Variants in SLC1A2 observed in about 807,000 individuals in gnomAD.
The protein encoded by SLC1A2 is solute carrier family 1 member 2.
Under a neutral mutation model 48.8 loss-of-function variants are expected in SLC1A2, and 15 were observed. That is an observed-to-expected ratio of 0.31 (90% CI 0.21 to 0.47). SLC1A2 has a LOEUF of 0.47. Ranked by LOEUF, SLC1A2 falls within the 20% of genes least tolerant of loss-of-function variation. The pLI is 0.99. For missense variants in SLC1A2, 502 were observed against 730.5 expected, an observed-to-expected ratio of 0.69 and a Z score of 3.61; for synonymous variants, 279 against 272.6, an observed-to-expected ratio of 1.02 and a Z score of -0.23.
intron 1 of SLC1A2, among the ~76,000 whole-genome samples, chr11:35,408,876 C>T (rs774123650): frequency 6.6e-6 from 1 of 152,058 alleles, no homozygotes; most frequent in Non-Finnish European, 1.5e-5. Flanking sequence ...ATCGATCTGC[C>T]ATGGTAAATA....
rs1453510369 is a variant in SLC1A2, at chr11:35,265,764, G to C, written c.1422-6C>G. ...CTGAAGTTCTCATCCTGTCCCTGGG[G>C]ACAAAGAACAGAAAAGGTTCAGTGA... On this transcript the variant is annotated splice_region_variant and splice_polypyrimidine_tract_variant and intron_variant, in intron 9 of 10. Transcript: ENST00000278379. The C allele has an allele frequency of 1.3e-5, 21 of 1,586,042 alleles. No individual in the cohort carries two copies. The Middle Eastern group carries it at 5.0e-4, about 38-fold the overall frequency.
At chr11:35,301,254 T>G (rs1359858419) in intron 6 of SLC1A2, among the ~76,000 whole-genome samples, 1 of 152,142 alleles carries the variant, frequency 6.6e-6, no homozygotes, top group Admixed American at 6.5e-5. Context: ...CTAAGACAGT[T>G]ACATAAAAAT....
chr11:35,400,918 TG>T (rs1291369993), intron 1 of SLC1A2, among the ~76,000 whole-genome samples: 1 of 151,476 alleles, frequency 6.6e-6, no homozygotes, highest in Non-Finnish European at 1.5e-5. Context: ...TTATACATTT[TG>T]GGGAGACATA....
chr11:35,360,283 T>A (rs1853630099), intron 1 of SLC1A2: 1 of 154,728 alleles, frequency 6.5e-6, no homozygotes, highest in Admixed American at 6.5e-5. Flanking sequence ...AAAGTCATCA[T>A]CAGTGTCATC....
rs751229160 is a variant in SLC1A2, at chr11:35,254,337, T to C, written c.*6557A>G. 6.3e-6 allele frequency: 1 copy of C among 158,166 alleles called. No individual in the cohort carries two copies. The highest frequency in any genetic ancestry group is 2.4e-5 in the African/African-American group (1 of 41,496). 9.8% of individuals were successfully genotyped at this position (158,166 alleles called of 1,614,324 possible). On this transcript the variant is annotated 3_prime_UTR_variant, in exon 11 of 11. Coordinates refer to ENST00000278379, the MANE Select transcript of SLC1A2 (RefSeq NM_004171.4). ...GAAAGAGAAAGGGAGGGAGTTAAGG[T>C]GATTTGTAGAAAAATCTAGATGCCA...
At chr11:35,317,348 G>A in intron 2 of SLC1A2, 29 bp downstream of exon 2, 3 of 1,604,598 alleles carry the variant, frequency 1.9e-6, no homozygotes, top group Non-Finnish European at 1.7e-6. Flanking sequence ...AGAAGAGGGG[G>A]CTGGGGGTGG....
At chr11:35,328,638 CT>C (rs1160808375) in intron 1 of SLC1A2, among the ~76,000 whole-genome samples, 1 of 152,164 alleles carries the variant, frequency 6.6e-6, no homozygotes, top group African/African-American at 2.4e-5. Flanking sequence ...AAAACTTGCT[CT>C]TTATATTAGG....
At chr11:35,389,112 A>C (rs565348293) in intron 1 of SLC1A2, among the ~76,000 whole-genome samples, 1 of 151,712 alleles carries the variant, frequency 6.6e-6, no homozygotes, top group South Asian at 2.1e-4. Flanking sequence ...TTAAAAACCT[A>C]AATATGTAGA....
At chr11:35,357,785 G>C (rs1313716412) in intron 1 of SLC1A2, among the ~76,000 whole-genome samples, 1 of 152,098 alleles carries the variant, frequency 6.6e-6, no homozygotes, top group South Asian at 2.1e-4. Context: ...AACAACCAAG[G>C]CTAGAAAAGA....
chr11:35,394,751 C>T (rs762751945), intron 1 of SLC1A2, among the ~76,000 whole-genome samples: 7 of 152,198 alleles, frequency 4.6e-5, no homozygotes, highest in Admixed American at 6.5e-5. Context: ...AGGCACAGTA[C>T]TGGGTGCTGA....
chr11:35,347,318 G>T (rs531059415), intron 1 of SLC1A2, among the ~76,000 whole-genome samples: 1 of 152,326 alleles, frequency 6.6e-6, no homozygotes, highest in East Asian at 1.9e-4. Context: ...CTCCTAGTCT[G>T]CTCTGGACAG....
chr11:35,407,331 A>C (rs1855328371), intron 1 of SLC1A2, among the ~76,000 whole-genome samples: 1 of 152,146 alleles, frequency 6.6e-6, no homozygotes, highest in African/African-American at 2.4e-5. Context: ...AGGAACCCCC[A>C]AAGTGAGCAA....
At chr11:35,382,753 G>A (rs895330108) in intron 1 of SLC1A2, among the ~76,000 whole-genome samples, 4 of 151,496 alleles carry the variant, frequency 2.6e-5, no homozygotes, top group Non-Finnish European at 4.4e-5. Flanking sequence ...CTGCGATCAC[G>A]CCACTGCACT....
Position 35,253,642 on chromosome 11 carries a change from G to C in SLC1A2, c.*7252C>G, listed in dbSNP as rs945456876. ...AGCTAAGGGATTTAAGCAATTCCTT[G>C]TTCTTAATGGTTCATTTTGTTTATT... On this transcript the variant is annotated 3_prime_UTR_variant, in exon 11 of 11. Transcript: ENST00000278379. 2.0e-5 allele frequency: 3 copies of C among 152,590 alleles called. No individual in the cohort carries two copies. Among genetic ancestry groups the C allele is most frequent in the African/African-American group, 7.2e-5 (3 of 41,450 alleles). The allele number at this position is 152,590 out of a possible 1,614,324, so 9.5% of individuals were successfully genotyped here.
rs1490528274 is a variant in SLC1A2, at chr11:35,347,529, T to G, written c.18-30013A>C. ...TCTTCACTTAAATCCAGATTCAAAG[T>G]GAATGAGTTCTATGATTAATTAGCA... On this transcript the variant is annotated intron_variant, in intron 1 of 10. Coordinates refer to ENST00000278379, the MANE Select transcript of SLC1A2 (RefSeq NM_004171.4). 2.0e-5 allele frequency among the ~76,000 whole-genome samples: 3 copies of G among 152,372 alleles called. No individual in the cohort carries two copies. In the East Asian group the frequency reaches 5.8e-4, roughly 29 times the overall value.
intron 8 of SLC1A2, among the ~76,000 whole-genome samples, chr11:35,283,986 T>C (rs1297551517): frequency 6.6e-6 from 1 of 151,108 alleles, no homozygotes; most frequent in African/African-American, 2.4e-5. Flanking sequence ...AGGCACCATG[T>C]TCTCAGCCAC....
intron 1 of SLC1A2, among the ~76,000 whole-genome samples, chr11:35,321,822 C>A (rs1237018753): frequency 6.6e-6 from 1 of 152,124 alleles, no homozygotes; most frequent in African/African-American, 2.4e-5. Context: ...TACCCCTTTA[C>A]TAATATTCCC....
At chr11:35,282,425 C>T (rs943167165) in intron 8 of SLC1A2, among the ~76,000 whole-genome samples, 2 of 152,170 alleles carry the variant, frequency 1.3e-5, no homozygotes, top group Admixed American at 6.5e-5. Context: ...AATGGTATCT[C>T]TCTCATGGGG....
rs377706569 is a variant in SLC1A2, at chr11:35,277,114, T to G, written c.1421+3753A>C. 5.3e-4 allele frequency among the ~76,000 whole-genome samples: 81 copies of G among 152,310 alleles called. No individual in the cohort carries two copies. In the South Asian group the frequency reaches 0.016, roughly 30 times the overall value. On this transcript the variant is annotated intron_variant, in intron 9 of 10. Transcript: ENST00000278379. The stretch of plus-strand genomic sequence containing the variant: ...TGGAGCCTTCACGATATAATCACCT[T>G]TTAAAGGCCACACCTCTTAATATTG...
Sources: gnomAD v4.1 joint callset for allele counts (sites outside exome capture counted in the v4.1 genomes callset) on GRCh38, gnomAD v4.1.1 for gene constraint, MANE v1.5 for transcripts, NCBI Gene and HGNC (gene_info 2026-07-23, HGNC 2026-07-21) for gene names.